The following FOXN3 variants were observed in gnomAD, a reference collection of about 807,000 sequenced individuals.
FOXN3 encodes forkhead box protein N3.
In FOXN3, 7 loss-of-function variants were observed where a neutral mutation model predicts 38.4. That is an observed-to-expected ratio of 0.18 (90% CI 0.10 to 0.34). The LOEUF (loss-of-function observed/expected upper bound fraction) is 0.34. FOXN3 is among the 10% of genes least tolerant of loss of function. The probability of loss-of-function intolerance (pLI) is 1.00; values close to 1 mark genes in which losing one functional copy is unlikely to be tolerated. For missense variants in FOXN3, 456 were observed against 613.4 expected, an observed-to-expected ratio of 0.74 and a Z score of 2.71; for synonymous variants, 230 against 242.2, an observed-to-expected ratio of 0.95 and a Z score of 0.47.
intron 4 of FOXN3, among the ~76,000 whole-genome samples, chr14:89,229,118 G>A (rs1884725432): frequency 6.6e-6 from 1 of 152,186 alleles, no homozygotes; most frequent in South Asian, 2.1e-4. Context: ...CCCAGAGAGG[G>A]AGAAGGGAAC....
chr14:89,330,874 A>G (rs1049335423), intron 3 of FOXN3, among the ~76,000 whole-genome samples: 4 of 152,196 alleles, frequency 2.6e-5, no homozygotes, highest in African/African-American at 9.7e-5. Context: ...AAGGCCAGGG[A>G]GCCTGTCCTG....
intron 4 of FOXN3, among the ~76,000 whole-genome samples, chr14:89,193,876 G>A (rs1596093244): frequency 6.6e-6 from 1 of 152,056 alleles, no homozygotes; most frequent in Non-Finnish European, 1.5e-5. Context: ...CTTTAAAAAC[G>A]TTAGCCATCT....
chr14:89,520,164 C>T (rs566181790), intron 1 of FOXN3, among the ~76,000 whole-genome samples: 1 of 151,556 alleles, frequency 6.6e-6, no homozygotes, highest in South Asian at 2.1e-4. Flanking sequence ...CCGCCGTGTA[C>T]CTCGACGTCC....
At chr14:89,616,958 G>C (rs1896507248) in intron 1 of FOXN3, among the ~76,000 whole-genome samples, 3 of 152,146 alleles carry the variant, frequency 2.0e-5, no homozygotes, top group Admixed American at 2.0e-4. Context: ...AGATGCTGTG[G>C]GAAAGCTTAC....
chr14:89,197,741 G>C (rs1202603895), intron 4 of FOXN3, among the ~76,000 whole-genome samples: 1 of 152,120 alleles, frequency 6.6e-6, no homozygotes, highest in East Asian at 1.9e-4. Flanking sequence ...GAAATTCCAC[G>C]GGAACCCCAG....
chr14:89,181,413 G>C (rs1184619318), intron 4 of FOXN3, among the ~76,000 whole-genome samples: 3 of 152,122 alleles, frequency 2.0e-5, no homozygotes, highest in Admixed American at 6.5e-5. Flanking sequence ...AATCCAACAA[G>C]GGGAAAAATA....
Position 89,352,643 on chromosome 14 carries a change from C to A in FOXN3, c.544-1835G>T, listed in dbSNP as rs537459849. 3.3e-5 allele frequency among the ~76,000 whole-genome samples: 5 copies of A among 152,220 alleles called. No homozygotes were observed. In the South Asian group the frequency reaches 8.3e-4, roughly 25 times the overall value. ...CTGAGGGCCATGGCTGACATGTGAC[C>A]CAAACATTTCTGCAATGATATTGTC... On this transcript the variant is annotated intron_variant, in intron 2 of 5. Coordinates refer to ENST00000557258, the MANE Select transcript of FOXN3 (RefSeq NM_005197.4).
chr14:89,448,558 G>C (rs1892555588), intron 1 of FOXN3, among the ~76,000 whole-genome samples: 1 of 152,168 alleles, frequency 6.6e-6, no homozygotes, highest in Admixed American at 6.5e-5. Flanking sequence ...ACAGGGCTGA[G>C]AGTTGATTGC....
At chr14:89,527,049 G>A (rs562914188) in intron 1 of FOXN3, among the ~76,000 whole-genome samples, 1 of 151,478 alleles carries the variant, frequency 6.6e-6, no homozygotes, top group African/African-American at 2.4e-5. Flanking sequence ...GGATAGGGAG[G>A]GGAGGAGAGG....
At chr14:89,330,132 ATGC>A (rs1355052040) in intron 3 of FOXN3, among the ~76,000 whole-genome samples, 1 of 152,184 alleles carries the variant, frequency 6.6e-6, no homozygotes, top group Non-Finnish European at 1.5e-5. Flanking sequence ...GTTTCCTTTA[ATGC>A]TGCTGCTGAC....
In FOXN3 at chr14:89,412,399, G is replaced by T. The variant is rs753502567; in HGVS notation, c.78C>A (p.Tyr26Ter). Residue 26 changes from tyrosine (Y) to a stop codon, truncating the protein, a stop_gained, in exon 2 of 6, where the codon TAC (tyrosine) becomes TAA (stop). Transcript: ENST00000557258. LOFTEE classifies it high-confidence loss of function. The surrounding 1 kb of genome is among the most constrained non-coding windows in gnomAD (Gnocchi z 4.7). ...ISVSSGLSQC[Y>*]GGSGFSKALQ... Reference sequence around the variant, plus strand: ...GGGCCTTGGAGAAACCGCTGCCCCCGTAACACTGACTCAGTCCACTGGAGA... The same window carrying T: ...GGGCCTTGGAGAAACCGCTGCCCCCTTAACACTGACTCAGTCCACTGGAGA... The T allele has an allele frequency of 5.6e-6, 9 of 1,614,128 alleles. No individual in the cohort carries two copies. Among genetic ancestry groups the T allele is most frequent in the Non-Finnish European group, 7.6e-6 (9 of 1,180,018 alleles).
intron 2 of FOXN3, among the ~76,000 whole-genome samples, chr14:89,394,206 G>A (rs915910687): frequency 1.6e-4 from 24 of 146,346 alleles, no homozygotes; most frequent in Admixed American, 1.5e-3. Flanking sequence ...AATGGGGATC[G>A]ACGTTCTTTT....
intron 4 of FOXN3, among the ~76,000 whole-genome samples, chr14:89,246,534 G>C (rs559928055): frequency 7.8e-6 from 1 of 128,856 alleles, no homozygotes; most frequent in South Asian, 2.6e-4. Flanking sequence ...CTTATTTGCA[G>C]GATGCGGCTT....
intron 4 of FOXN3, among the ~76,000 whole-genome samples, chr14:89,270,473 T>C (rs2139903458): frequency 6.6e-6 from 1 of 152,348 alleles, no homozygotes; most frequent in South Asian, 2.1e-4. Context: ...CATTATCTTT[T>C]AATTCTCACA....
intron 1 of FOXN3, among the ~76,000 whole-genome samples, chr14:89,466,237 G>A (rs776620212): frequency 2.0e-5 from 3 of 151,980 alleles, no homozygotes; most frequent in Non-Finnish European, 2.9e-5. Context: ...CAACTTGGTC[G>A]TCTAAGGCAT....
At position 89,442,800 on chromosome 14, in the gene FOXN3, A is replaced by G. The variant is rs114474767; in HGVS notation, c.-14-30310T>C. Among the ~76,000 whole-genome samples the G allele has an allele frequency of 4.1e-3, 622 of 151,302 alleles. 3 individuals carry two copies. Among genetic ancestry groups the G allele is most frequent in the African/African-American group, 0.015 (589 of 40,590 alleles). ...ACCAGCCAGTCTTTCCCAGCCATGGATGTAATTTACACATTAGCCTACACC... is the reference window on the plus strand; with the variant it reads ...ACCAGCCAGTCTTTCCCAGCCATGGGTGTAATTTACACATTAGCCTACACC... On this transcript the variant is annotated intron_variant, in intron 1 of 6. Transcript: ENST00000345097.
chr14:89,329,325 C>G (rs1321240281), intron 3 of FOXN3, among the ~76,000 whole-genome samples: 1 of 152,152 alleles, frequency 6.6e-6, no homozygotes, highest in African/African-American at 2.4e-5. Context: ...TCCAGAATAT[C>G]CATGGAAAAA....
At chr14:89,478,846 C>T (rs1893264456) in intron 1 of FOXN3, among the ~76,000 whole-genome samples, 1 of 147,072 alleles carries the variant, frequency 6.8e-6, no homozygotes, top group Non-Finnish European at 1.5e-5. Flanking sequence ...GCACGAGAAT[C>T]GCTTCAACCC....
chr14:89,283,660 T>C (rs1287635591), intron 3 of FOXN3, among the ~76,000 whole-genome samples: 25 of 151,810 alleles, frequency 1.6e-4, no homozygotes. Context: ...GTGCGCTCCA[T>C]ACCCAGCCAT....
Sources: allele counts gnomAD v4.1 joint callset (sites outside exome capture counted in the v4.1 genomes callset), GRCh38; gene constraint gnomAD v4.1.1; non-coding constraint Gnocchi (gnomAD v3.1); transcripts MANE v1.5; gene names NCBI Gene and HGNC (gene_info 2026-07-23, HGNC 2026-07-21).